The following SCHIP1 variants were observed in gnomAD, a reference collection of about 807,000 sequenced individuals.
SCHIP1 encodes the protein schwannomin-interacting protein 1.
In SCHIP1, 8 loss-of-function variants were observed where a neutral mutation model predicts 29.7. The ratio of observed to expected loss-of-function variants is 0.27; its 90% CI spans 0.16 to 0.49. The LOEUF (loss-of-function observed/expected upper bound fraction) is 0.49. Among genes scored for constraint, SCHIP1 ranks in the 20% least tolerant of loss-of-function variants. The pLI is 0.99. For missense variants in SCHIP1, 193 were observed against 294.6 expected (o/e 0.66, Z 2.52); for synonymous variants, 76 against 94.9 (o/e 0.80, Z 1.16).
chr3:159,829,426 A>C, the SCHIP1 span, among the ~76,000 whole-genome samples: 1 of 152,220 alleles, frequency 6.6e-6, no homozygotes, highest in Non-Finnish European at 1.5e-5. Context: ...AGAGTTGTGA[A>C]ATGTGAAAAT....
the SCHIP1 span, among the ~76,000 whole-genome samples, chr3:159,721,358 A>T: frequency 6.6e-6 from 1 of 152,226 alleles, no homozygotes; most frequent in East Asian, 1.9e-4. Flanking sequence ...AAAAAGTTAC[A>T]AATTTAGTGC....
chr3:159,281,472 A>G, the SCHIP1 span, among the ~76,000 whole-genome samples: 201 of 152,338 alleles, frequency 1.3e-3, no homozygotes, highest in Admixed American at 2.2e-3. Flanking sequence ...ATAAATTTTC[A>G]GTGTCAAGAG....
chr3:159,524,933 C>G, the SCHIP1 span, among the ~76,000 whole-genome samples: 1 of 152,184 alleles, frequency 6.6e-6, no homozygotes, highest in Non-Finnish European at 1.5e-5. Context: ...CCACCCCTAG[C>G]CACCATCATA....
the SCHIP1 span, chr3:159,768,667 C>G: frequency 6.6e-6 from 1 of 152,268 alleles, no homozygotes; most frequent in Non-Finnish European, 1.5e-5. Flanking sequence ...TCTTTGGTGT[C>G]ACAGCATGGA....
chr3:159,527,366 C>T, the SCHIP1 span, among the ~76,000 whole-genome samples: 6 of 152,180 alleles, frequency 3.9e-5, no homozygotes, highest in African/African-American at 1.4e-4. Flanking sequence ...TTATTCCCTT[C>T]CCAAGAAAGC....
At chr3:159,628,989 G>A in the SCHIP1 span, among the ~76,000 whole-genome samples, 1 of 152,044 alleles carries the variant, frequency 6.6e-6, no homozygotes, top group Non-Finnish European at 1.5e-5. Context: ...TAAAAAAAGT[G>A]AATCTTCCTT....
the SCHIP1 span, among the ~76,000 whole-genome samples, chr3:159,554,855 T>C: frequency 2.0e-5 from 3 of 152,038 alleles, no homozygotes; most frequent in African/African-American, 7.2e-5. Context: ...CAAGTTGCTG[T>C]GGCAAATACT....
the SCHIP1 span, among the ~76,000 whole-genome samples, chr3:159,555,568 T>TTC: frequency 1.3e-5 from 2 of 151,934 alleles, no homozygotes; most frequent in Non-Finnish European, 2.9e-5. Context: ...GATGAGCAAA[T>TTC]TCTCTCTCTC....
At chr3:159,573,369 T>C in the SCHIP1 span, among the ~76,000 whole-genome samples, 7 of 152,232 alleles carry the variant, frequency 4.6e-5, no homozygotes, top group African/African-American at 7.2e-5. Flanking sequence ...CCTTCACTTA[T>C]GAAGCTTTGT....
the SCHIP1 span, among the ~76,000 whole-genome samples, chr3:159,535,435 G>C: frequency 2.6e-5 from 4 of 152,178 alleles, no homozygotes; most frequent in African/African-American, 9.6e-5. Context: ...AAGTGACCCT[G>C]AGCATCAGCC....
At chr3:159,482,316 C>A in the SCHIP1 span, among the ~76,000 whole-genome samples, 3 of 152,102 alleles carry the variant, frequency 2.0e-5, no homozygotes, top group Admixed American at 6.6e-5. Flanking sequence ...GGCTTCCCTT[C>A]AAGAAGGACG....
At chr3:159,335,119 C>T in the SCHIP1 span, among the ~76,000 whole-genome samples, 471 of 151,984 alleles carry the variant, frequency 3.1e-3, 2 homozygotes, top group African/African-American at 0.011. Flanking sequence ...AGGCTGGTCT[C>T]GAACTCCTGA....
the SCHIP1 span, among the ~76,000 whole-genome samples, chr3:159,529,734 A>C: frequency 3.3e-5 from 5 of 152,182 alleles, no homozygotes; most frequent in African/African-American, 1.2e-4. Context: ...TTTTGTGCCC[A>C]TTAGCCAACC....
At chr3:159,274,634 T>A in the SCHIP1 span, 1 of 826,856 alleles carries the variant, frequency 1.2e-6, no homozygotes, top group Admixed American at 6.2e-5. Flanking sequence ...GATATTATTA[T>A]ATGACACAAC....
chr3:159,617,447 C>A, the SCHIP1 span, among the ~76,000 whole-genome samples: 4 of 152,294 alleles, frequency 2.6e-5, no homozygotes, highest in Admixed American at 6.5e-5. Context: ...CCCTCCCTAA[C>A]AATCTCATTA....
At chr3:159,316,933 G>C in the SCHIP1 span, among the ~76,000 whole-genome samples, 1 of 152,144 alleles carries the variant, frequency 6.6e-6, no homozygotes, top group Non-Finnish European at 1.5e-5. Flanking sequence ...GCTGTAGCTG[G>C]TATTTATGAC....
chr3:159,302,008 A>G, the SCHIP1 span, among the ~76,000 whole-genome samples: 3 of 152,080 alleles, frequency 2.0e-5, no homozygotes, highest in Non-Finnish European at 4.4e-5. Flanking sequence ...AGTAGTTTTC[A>G]TTTTCATTTG....
At chr3:159,574,730 G>A in the SCHIP1 span, among the ~76,000 whole-genome samples, 1 of 152,170 alleles carries the variant, frequency 6.6e-6, no homozygotes, top group Non-Finnish European at 1.5e-5. Context: ...GTGGAGTCTA[G>A]AAGCAATAGG....
the SCHIP1 span, among the ~76,000 whole-genome samples, chr3:159,771,892 A>G: frequency 6.6e-6 from 1 of 152,210 alleles, no homozygotes; most frequent in African/African-American, 2.4e-5. Context: ...TAGTTTGTAC[A>G]TAGTGGACCT....
Sources: allele counts gnomAD v4.1 joint callset (sites outside exome capture counted in the v4.1 genomes callset), GRCh38; gene constraint gnomAD v4.1.1; transcripts MANE v1.5; gene names NCBI Gene and HGNC (gene_info 2026-07-23, HGNC 2026-07-21).